The following HDAC2 variants were observed in gnomAD, a reference collection of about 807,000 sequenced individuals.
The protein encoded by HDAC2 is histone deacetylase 2, also known as YY1-associated factor 1.
Under a neutral mutation model 68.5 loss-of-function variants are expected in HDAC2, and 5 were observed. The ratio of observed to expected loss-of-function variants is 0.07; its 90% confidence interval spans 0.04 to 0.15. HDAC2 has a LOEUF of 0.15. Among genes scored for constraint, HDAC2 ranks in the 10% least tolerant of loss-of-function variants. The pLI is 1.00. For synonymous variants in HDAC2, 182 were observed against 191.3 expected (o/e 0.95, Z 0.40); for missense variants, 291 against 600.8 (o/e 0.48, Z 5.39).
At chr6:113,949,786 CTT>C (rs531082299) in intron 6 of HDAC2, among the ~76,000 whole-genome samples, 4 of 145,322 alleles carry the variant, frequency 2.8e-5, no homozygotes, top group Non-Finnish European at 3.0e-5. Context: ...CAGATTTGTT[CTT>C]TTTTTTTTTT....
chr6:113,965,791 C>T (rs1001498345), intron 1 of HDAC2, among the ~76,000 whole-genome samples: 7 of 152,172 alleles, frequency 4.6e-5, no homozygotes, highest in African/African-American at 1.7e-4. Flanking sequence ...CCAAAGCTGG[C>T]TTAATGAACA....
chr6:113,953,201 ATAC>A, intron 6 of HDAC2, 73 bp downstream of exon 6: 1 of 1,018,276 alleles, frequency 9.8e-7, no homozygotes, highest in Non-Finnish European at 1.4e-6. Flanking sequence ...CAGGAGAAAA[ATAC>A]TACTTCAAGT....
Position 113,970,922 on chromosome 6 carries a change from A to G in HDAC2, c.-14T>C. On this transcript the variant is annotated 5_prime_UTR_variant, in exon 1 of 14. Transcript: ENST00000519065. Reference sequence around the variant, plus strand: ...ACTGTACGCCATGGGCTCCCCGGCCACCGCCGCCACCGGGCTCCTCCTCCT... The same window carrying G: ...ACTGTACGCCATGGGCTCCCCGGCCGCCGCCGCCACCGGGCTCCTCCTCCT... The G allele has an allele frequency of 1.3e-6, 2 of 1,549,624 alleles. No individual in the cohort carries two copies. Among genetic ancestry groups the G allele is most frequent in the Non-Finnish European group, 1.7e-6 (2 of 1,147,032 alleles).
chr6:113,967,554 G>A (rs1349086938), intron 1 of HDAC2, among the ~76,000 whole-genome samples: 3 of 152,168 alleles, frequency 2.0e-5, no homozygotes, highest in Admixed American at 6.5e-5. Context: ...ATAGAGCACA[G>A]AGAAATTTGT....
In HDAC2 at chr6:113,950,176, G is replaced by A. The variant is rs186688581; in HGVS notation, c.640-916C>T. On this transcript the variant is annotated intron_variant, in intron 6 of 13. Coordinates refer to ENST00000519065, the MANE Select transcript of HDAC2 (RefSeq NM_001527.4). The stretch of plus-strand genomic sequence containing the variant: ...CAGGCATTAATCTCTCTCAAAAGAC[G>A]CAAAGGTTCCAGCTACATATACTCT... Among the ~76,000 whole-genome samples, 4 of 152,106 alleles carry A rather than the reference G, an allele frequency of 2.6e-5. No individual in the cohort carries two copies. In the East Asian group the frequency reaches 5.8e-4, roughly 22 times the overall value.
chr6:113,948,040 ATATCT>A (rs1776304276), intron 8 of HDAC2: 1 of 152,210 alleles, frequency 6.6e-6, no homozygotes, highest in Non-Finnish European at 1.5e-5. Context: ...ATACATTATA[ATATCT>A]TATTAAATAA....
rs1240746961 is a variant in HDAC2 at position 113,937,509 on chromosome 6, T to A, written c.*3549A>T. 4 of 152,232 alleles carry A rather than the reference T, an allele frequency of 2.6e-5. No individual in the cohort carries two copies. In the East Asian group the frequency reaches 7.7e-4, roughly 29 times the overall value. The allele number at this position is 152,232 out of a possible 1,614,324, so 9.4% of individuals were successfully genotyped here. A position where few individuals can be genotyped will look rare whatever the true frequency, so the allele number is the denominator to read the frequency against. On this transcript the variant is annotated 3_prime_UTR_variant, in exon 14 of 14. Transcript: ENST00000519065. ...TTAAAGAGCTTTACTTGAGTTAATA[T>A]CTTAGTTTACCAAACCTGACCTGAG...
intron 2 of HDAC2, 165 bp downstream of exon 2, chr6:113,959,739 TCA>T (rs1776637196): frequency 9.8e-6 from 5 of 511,272 alleles, no homozygotes. Flanking sequence ...GGTATAGCTC[TCA>T]TTCTTATTCA....
chr6:113,961,105 T>C (rs1438767932), intron 1 of HDAC2, among the ~76,000 whole-genome samples: 1 of 152,164 alleles, frequency 6.6e-6, no homozygotes, highest in Non-Finnish European at 1.5e-5. Flanking sequence ...TTGGAACTAA[T>C]TCCCCACAGG....
chr6:113,955,677 G>A (rs1315696900), intron 5 of HDAC2, among the ~76,000 whole-genome samples: 1 of 151,966 alleles, frequency 6.6e-6, no homozygotes, highest in Non-Finnish European at 1.5e-5. Flanking sequence ...ACCACATCTG[G>A]CTAATTTTTT....
At chr6:113,952,086 C>T (rs2114602507) in intron 6 of HDAC2, among the ~76,000 whole-genome samples, 1 of 152,264 alleles carries the variant, frequency 6.6e-6, no homozygotes, top group Non-Finnish European at 1.5e-5. Flanking sequence ...CAGTGGTTCT[C>T]AAACTTTAAG....
intron 8 of HDAC2, chr6:113,947,172 TA>T (rs768750796): frequency 4.6e-4 from 70 of 152,228 alleles, no homozygotes; most frequent in Admixed American, 2.7e-3. Context: ...ACAAACATAC[TA>T]AAAGTTAACT....
At chr6:113,956,866 G>A in intron 3 of HDAC2, 173 bp from the exon 4 acceptor site, 1 of 541,660 alleles carries the variant, frequency 1.8e-6, no homozygotes, top group Non-Finnish European at 3.3e-6. Context: ...TTTTATCCAA[G>A]GTAATTAAAG....
At chr6:113,963,628 C>T (rs1346039759) in intron 1 of HDAC2, among the ~76,000 whole-genome samples, 7 of 152,264 alleles carry the variant, frequency 4.6e-5, no homozygotes, top group Non-Finnish European at 5.9e-5. Flanking sequence ...TTTTGATTTT[C>T]GAATTAGGGA....
intron 1 of HDAC2, among the ~76,000 whole-genome samples, chr6:113,967,194 T>TC (rs766541215): frequency 1.3e-5 from 2 of 152,174 alleles, no homozygotes; most frequent in African/African-American, 2.4e-5. Flanking sequence ...CATGGCACTA[T>TC]CTTGGCTCAC....
At position 113,938,775 on chromosome 6, in the gene HDAC2, G is replaced by A. The variant is rs956237007; in HGVS notation, c.*2283C>T. On this transcript the variant is annotated 3_prime_UTR_variant, in exon 14 of 14. Coordinates refer to ENST00000519065, the MANE Select transcript of HDAC2 (RefSeq NM_001527.4). ...TTCTAAAAATTTTGTTATTACAAAT[G>A]GGGGTCTTTGTTCTTCCAACAGACT... 1.3e-5 allele frequency: 2 copies of A among 151,900 alleles called. No homozygotes were observed. Among genetic ancestry groups the A allele is most frequent in the Non-Finnish European group, 2.9e-5 (2 of 68,010 alleles). The allele number at this position is 151,900 out of a possible 1,614,324, so 9.4% of individuals were successfully genotyped here.
chr6:113,954,156 T>C lies in HDAC2; in HGVS notation c.498-738A>G, dbSNP rs1330437612. 2.0e-5 allele frequency among the ~76,000 whole-genome samples: 3 copies of C among 152,318 alleles called. No individual in the cohort carries two copies. In the East Asian group the frequency reaches 5.8e-4, roughly 29 times the overall value. On this transcript the variant is annotated intron_variant, in intron 5 of 13. Transcript: ENST00000519065. ...CCATGTCATGACATTTTGTTACCAG[T>C]GTATACTCATGTCAAAATAAGGGGA... is the stretch of plus-strand genomic sequence containing the variant.
At chr6:113,948,877 T>TAA in intron 8 of HDAC2, 102 bp downstream of exon 8, 1 of 1,333,850 alleles carries the variant, frequency 7.5e-7, no homozygotes, top group Non-Finnish European at 1.0e-6. Context: ...AGTACAGTGT[T>TAA]AAAACAGCAG....
chr6:113,946,319 C>T (rs1300487639), intron 8 of HDAC2, 171 bp from the exon 9 acceptor site: 2 of 534,034 alleles, frequency 3.7e-6, no homozygotes, highest in Non-Finnish European at 6.6e-6. Flanking sequence ...CCTTTCCAAA[C>T]ACGTTATACA....
Sources: allele counts gnomAD v4.1 joint callset (sites outside exome capture counted in the v4.1 genomes callset), GRCh38; gene constraint gnomAD v4.1.1; transcripts MANE v1.5; gene names NCBI Gene and HGNC (gene_info 2026-07-23, HGNC 2026-07-21).